Variants in AGAP1 observed in about 807,000 individuals in gnomAD.
AGAP1 encodes the protein ArfGAP with GTPase domain, ankyrin repeat and PH domain 1.
A neutral mutation model predicts 105.3 loss-of-function variants in AGAP1; 29 were observed. The observed-to-expected ratio is 0.28, with a 90% CI of 0.21 to 0.38. The LOEUF is 0.38. Ranked by LOEUF, AGAP1 falls within the 10% of genes least tolerant of loss-of-function variation. The pLI is 1.00. For synonymous variants in AGAP1, 509 were observed against 485.9 expected (o/e 1.05, Z -0.63); for missense variants, 998 against 1,165.1 (o/e 0.86, Z 2.09).
intron 1 of AGAP1, among the ~76,000 whole-genome samples, chr2:235,697,600 T>G (rs975069263): frequency 6.6e-6 from 1 of 152,148 alleles, no homozygotes; most frequent in African/African-American, 2.4e-5. Context: ...AACCAATTTC[T>G]TAGTCTGCTC....
Position 235,806,628 on chromosome 2 carries a change from T to G in AGAP1, c.958-611T>G, listed in dbSNP as rs927336045. On this transcript the variant is annotated intron_variant, in intron 8 of 17. Coordinates refer to ENST00000304032, the MANE Select transcript of AGAP1 (RefSeq NM_001037131.3). Reference sequence around the variant, plus strand: ...TCATTATTTCCCAAATACTGACCTTTCGTCCAAAGGCGATTATCAGGGGTT... The same window carrying G: ...TCATTATTTCCCAAATACTGACCTTGCGTCCAAAGGCGATTATCAGGGGTT... Among the ~76,000 whole-genome samples the G allele has an allele frequency of 7.2e-5, 11 of 152,236 alleles. 1 individual carries two copies. Among genetic ancestry groups the G allele is most frequent in the Non-Finnish European group, 1.6e-4 (11 of 68,042 alleles).
chr2:235,767,665 G>A (rs571264351), intron 6 of AGAP1, among the ~76,000 whole-genome samples: 22 of 152,226 alleles, frequency 1.4e-4, no homozygotes, highest in South Asian at 6.2e-4. Context: ...CCTTTCCAGA[G>A]GATTAGCAGC....
chr2:235,751,846 G>A lies in AGAP1; in HGVS notation c.673+1358G>A, dbSNP rs1953468138. On this transcript the variant is annotated intron_variant, in intron 6 of 17. Coordinates refer to ENST00000304032, the MANE Select transcript of AGAP1 (RefSeq NM_001037131.3). The surrounding 1 kb of genome is among the most constrained non-coding windows in gnomAD (Gnocchi z 5.3). ...GCTGAAGAAGCGCAGGGTCCCCTGA[G>A]GATCAGCACAAAGTCGCTGGGGTCC... Among the ~76,000 whole-genome samples, 2 of 152,192 alleles carry A rather than the reference G, an allele frequency of 1.3e-5. No individual in the cohort carries two copies. Among genetic ancestry groups the A allele is most frequent in the Non-Finnish European group, 2.9e-5 (2 of 68,040 alleles).
At chr2:235,618,475 A>C (rs1324229669) in intron 1 of AGAP1, among the ~76,000 whole-genome samples, 4 of 152,074 alleles carry the variant, frequency 2.6e-5, no homozygotes, top group Non-Finnish European at 5.9e-5. Flanking sequence ...GTTTTTTTCT[A>C]ACCTTCACTT....
At chr2:235,545,247 G>T (rs1328038480) in intron 1 of AGAP1, among the ~76,000 whole-genome samples, 1 of 152,192 alleles carries the variant, frequency 6.6e-6, no homozygotes, top group East Asian at 1.9e-4. Flanking sequence ...TTCTCATGTT[G>T]AAAATAGCGT....
At position 235,879,937 on chromosome 2, in the gene AGAP1, T is replaced by C. The variant is rs2049926617; in HGVS notation, c.1051-3408T>C. Among the ~76,000 whole-genome samples the C allele has an allele frequency of 6.6e-6, 1 of 151,570 alleles. No homozygotes were observed. The highest frequency in any genetic ancestry group is 2.4e-5 in the African/African-American group (1 of 41,188). ...CTGGGCAACAGAGCGAGACCTTATC[T>C]CTACAAAAAACAGAAATAAAAAAAT... is the stretch of plus-strand genomic sequence containing the variant. On this transcript the variant is annotated intron_variant, in intron 9 of 17. Transcript: ENST00000304032. The surrounding 1 kb of genome is among the most constrained non-coding windows in gnomAD (Gnocchi z 5.0).
At position 235,979,131 on chromosome 2, in the gene AGAP1, T is replaced by C. The variant is rs1053100562; in HGVS notation, c.1645+10508T>C. Among the ~76,000 whole-genome samples the C allele has an allele frequency of 6.6e-6, 1 of 150,454 alleles. No homozygotes were observed. Among genetic ancestry groups the C allele is most frequent in the African/African-American group, 2.5e-5 (1 of 40,110 alleles). On this transcript the variant is annotated intron_variant, in intron 13 of 17. Coordinates refer to ENST00000304032, the MANE Select transcript of AGAP1 (RefSeq NM_001037131.3). This position sits in a 1 kb window ranked among gnomAD's most constrained non-coding sequence, Gnocchi z 4.5. ...AAGTGTATTTGTGGGGTTTTTTTGTTGTTGTTTTTGTTTTTTTTTTTTTGG... is the reference window on the plus strand; with the variant it reads ...AAGTGTATTTGTGGGGTTTTTTTGTCGTTGTTTTTGTTTTTTTTTTTTTGG...
chr2:236,102,208 G>A (rs914081096), intron 16 of AGAP1, among the ~76,000 whole-genome samples: 2 of 152,108 alleles, frequency 1.3e-5, no homozygotes, highest in African/African-American at 4.8e-5. Context: ...ACAAGGTCAG[G>A]AGATCGAGAC....
At chr2:235,946,366 G>A (rs2053502559) in intron 12 of AGAP1, among the ~76,000 whole-genome samples, 1 of 146,716 alleles carries the variant, frequency 6.8e-6, no homozygotes, top group East Asian at 2.0e-4. Flanking sequence ...GCTCACTGCA[G>A]CCTCTTCCTC....
intron 1 of AGAP1, among the ~76,000 whole-genome samples, chr2:235,672,737 GAA>G (rs1388717540): frequency 6.6e-6 from 1 of 152,206 alleles, no homozygotes; most frequent in Admixed American, 6.5e-5. Flanking sequence ...ATCAGAGAGA[GAA>G]AGAAAAACGC....
chr2:236,041,283 T>C (rs1244250557), intron 15 of AGAP1, among the ~76,000 whole-genome samples: 1 of 149,360 alleles, frequency 6.7e-6, no homozygotes, highest in Non-Finnish European at 1.5e-5. Context: ...TTTTTTTTCA[T>C]AAAAATAGAA....
At chr2:236,043,019 C>T (rs1278404043) in intron 15 of AGAP1, among the ~76,000 whole-genome samples, 2 of 152,142 alleles carry the variant, frequency 1.3e-5, no homozygotes, top group Non-Finnish European at 2.9e-5. Flanking sequence ...ATAGCAAGTC[C>T]CAAAGCAGGA....
chr2:236,036,594 C>T lies in AGAP1; in HGVS notation c.1679C>T (p.Ser560Phe). 1.2e-6 allele frequency: 2 copies of T among 1,614,188 alleles called. No homozygotes were observed. Among genetic ancestry groups the T allele is most frequent in the Non-Finnish European group, 1.7e-6 (2 of 1,180,032 alleles). ...QEENFEFIIV[S>F]LTGQTWHFEA... Reference sequence around the variant, plus strand: ...GAAAATTTTGAGTTTATCATTGTGTCCCTCACTGGCCAAACATGGCACTTT... The same window carrying T: ...GAAAATTTTGAGTTTATCATTGTGTTCCTCACTGGCCAAACATGGCACTTT... Residue 560 changes from serine to phenylalanine, a missense_variant, in exon 14 of 18, where the codon TCC becomes TTC. Physicochemically the swap from Ser to Phe is radical, Grantham distance 155. Around this residue, in one of 3 missense-constraint regions of AGAP1, gnomAD observed 735 missense variants for 833.4 expected, o/e 0.88. Transcript: ENST00000304032. The surrounding 1 kb of genome is among the most constrained non-coding windows in gnomAD (Gnocchi z 5.7).
intron 5 of AGAP1, among the ~76,000 whole-genome samples, chr2:235,746,300 A>G (rs1232772873): frequency 6.7e-6 from 1 of 149,946 alleles, no homozygotes; most frequent in African/African-American, 2.4e-5. Context: ...GAAAAAAAAA[A>G]CAAAACTATA....
At chr2:235,851,550 A>G (rs189268530) in intron 9 of AGAP1, among the ~76,000 whole-genome samples, 66 of 152,100 alleles carry the variant, frequency 4.3e-4, no homozygotes, top group African/African-American at 7.5e-4. Flanking sequence ...CTTGCTACCA[A>G]TGTCCCTTGG....
Position 235,801,555 on chromosome 2 carries a change from C to G in AGAP1, c.957+2033C>G, listed in dbSNP as rs1263753742. On this transcript the variant is annotated intron_variant, in intron 8 of 17. Coordinates refer to ENST00000304032, the MANE Select transcript of AGAP1 (RefSeq NM_001037131.3). The surrounding 1 kb of genome is among the most constrained non-coding windows in gnomAD (Gnocchi z 6.0). ...AGTCACCTAAATAGCTGCTTCCCAG[C>G]TCCGTCTAACACCTGGAGCAGCCCC... 6.6e-6 allele frequency among the ~76,000 whole-genome samples: 1 copy of G among 151,992 alleles called. No individual in the cohort carries two copies. The highest frequency in any genetic ancestry group is 6.5e-5 in the Admixed American group (1 of 15,278).
chr2:235,608,134 T>C lies in AGAP1; in HGVS notation c.164-101045T>C, dbSNP rs1946008782. Among the ~76,000 whole-genome samples, 1 of 152,170 alleles carries C rather than the reference T, an allele frequency of 6.6e-6. No homozygotes were observed. The highest frequency in any genetic ancestry group is 2.4e-5 in the African/African-American group (1 of 41,454). Reference sequence around the variant, plus strand: ...TTTTTAGCTTTGCCCACTTTTCATTTTTGGCTTCACAGAGTGATGCCTCTG... The same window carrying C: ...TTTTTAGCTTTGCCCACTTTTCATTCTTGGCTTCACAGAGTGATGCCTCTG... On this transcript the variant is annotated intron_variant, in intron 1 of 17. Transcript: ENST00000304032. The surrounding 1 kb of genome is among the most constrained non-coding windows in gnomAD (Gnocchi z 5.4).
Position 236,044,822 on chromosome 2 carries a change from T to C in AGAP1, c.1891+3981T>C, listed in dbSNP as rs2057668485. Among the ~76,000 whole-genome samples the C allele has an allele frequency of 6.6e-6, 1 of 152,040 alleles. No individual in the cohort carries two copies. The highest frequency in any genetic ancestry group is 1.5e-5 in the Non-Finnish European group (1 of 67,996). On this transcript the variant is annotated intron_variant, in intron 15 of 17. Transcript: ENST00000304032. The surrounding 1 kb of genome is among the most constrained non-coding windows in gnomAD (Gnocchi z 5.7). ...TCCCTGCTGTTCTGCCCTGGGGGCTTCCTGGCTCTGGTGTATCCTAGAATT... is the reference window on the plus strand; with the variant it reads ...TCCCTGCTGTTCTGCCCTGGGGGCTCCCTGGCTCTGGTGTATCCTAGAATT...
At position 235,787,518 on chromosome 2, in the gene AGAP1, G is replaced by GGT. The variant is rs1217412444; in HGVS notation, c.674-10239_674-10238dup. Among the ~76,000 whole-genome samples the GGT allele has an allele frequency of 6.6e-6, 1 of 152,170 alleles. No individual in the cohort carries two copies. The highest frequency in any genetic ancestry group is 1.5e-5 in the Non-Finnish European group (1 of 68,030). ...AAAGGTGCAGACAAGGTGTGCAGGA[G>GGT]GTGGATGTGATGTTGTGGTTGGTTG... On this transcript the variant is annotated intron_variant, in intron 6 of 17. Transcript: ENST00000304032. The surrounding 1 kb of genome is among the most constrained non-coding windows in gnomAD (Gnocchi z 4.4).
Sources: allele counts gnomAD v4.1 joint callset (sites outside exome capture counted in the v4.1 genomes callset), GRCh38; gene constraint gnomAD v4.1.1; regional missense constraint gnomAD v4.1.1; non-coding constraint Gnocchi (gnomAD v3.1); transcripts MANE v1.5; gene names NCBI Gene and HGNC (gene_info 2026-07-23, HGNC 2026-07-21).